NCAM2: variants seen among roughly 807,000 people sequenced by gnomAD.
The protein encoded by NCAM2 is N-CAM-2.
NCAM2 carries 30 observed loss-of-function variants against 98.1 expected under a neutral mutation model. That is an observed-to-expected ratio of 0.31 (90% CI 0.23 to 0.41). The LOEUF is 0.41. Ranked by LOEUF, NCAM2 falls within the 10% of genes least tolerant of loss-of-function variation. The probability of loss-of-function intolerance (pLI) is 1.00; values close to 1 mark genes in which losing one functional copy is unlikely to be tolerated. For missense variants in NCAM2, 867 were observed against 1,005.8 expected (o/e 0.86, Z 1.87); for synonymous variants, 368 against 342.4 (o/e 1.07, Z -0.83).
intron 1 of NCAM2, among the ~76,000 whole-genome samples, chr21:21,036,716 G>A (rs2064806235): frequency 6.6e-6 from 1 of 152,068 alleles, no homozygotes; most frequent in African/African-American, 2.4e-5. Flanking sequence ...GAGGTGGGTG[G>A]CATCATAGGT....
chr21:21,304,334 T>C (rs2073816780), intron 5 of NCAM2, among the ~76,000 whole-genome samples: 1 of 152,022 alleles, frequency 6.6e-6, no homozygotes, highest in Non-Finnish European at 1.5e-5. Flanking sequence ...TTGTATTTTT[T>C]TTTTGGCATG....
intron 1 of NCAM2, among the ~76,000 whole-genome samples, chr21:21,160,191 G>A (rs148379421): frequency 5.9e-4 from 90 of 152,064 alleles, no homozygotes; most frequent in African/African-American, 1.2e-3. Context: ...TATTTTCAGC[G>A]TGTGGACATC....
At position 21,335,401 on chromosome 21, in the gene NCAM2, T is replaced by C. The variant is rs921134072; in HGVS notation, c.738-104T>C. On this transcript the variant is annotated intron_variant, in intron 6 of 17. Transcript: ENST00000400546. ...GGAATATAGCCCTGTCTTTCAATGA[T>C]GATAGCCATATAGTCATCAATGCCT... is the stretch of plus-strand genomic sequence containing the variant. The C allele has an allele frequency of 7.8e-5, 61 of 781,170 alleles. No individual in the cohort carries two copies. The African/African-American group carries it at 9.8e-4, about 13-fold the overall frequency. The allele number at this position is 781,170 out of a possible 1,614,324, so 48.4% of individuals were successfully genotyped here.
At chr21:21,487,400 T>TC (rs35234435) in intron 15 of NCAM2, among the ~76,000 whole-genome samples, 5,486 of 152,192 alleles carry the variant, frequency 0.036, 347 homozygotes, top group African/African-American at 0.12. Flanking sequence ...GATTTTTTTT[T>TC]CATACAATGG....
intron 9 of NCAM2, among the ~76,000 whole-genome samples, chr21:21,385,882 A>C (rs952924731): frequency 6.6e-6 from 1 of 152,174 alleles, no homozygotes; most frequent in Admixed American, 6.5e-5. Context: ...ACATACTAAC[A>C]ATGCATGCTA....
intron 1 of NCAM2, among the ~76,000 whole-genome samples, chr21:21,143,060 G>A (rs1339239299): frequency 6.6e-6 from 1 of 152,106 alleles, no homozygotes; most frequent in South Asian, 2.1e-4. Flanking sequence ...AAGTTATACT[G>A]CTTGGTCGAA....
chr21:21,160,021 A>G (rs1034761874), intron 1 of NCAM2, among the ~76,000 whole-genome samples: 6 of 152,228 alleles, frequency 3.9e-5, no homozygotes, highest in East Asian at 3.9e-4. Flanking sequence ...GTTTATGCTC[A>G]TCGCGTATTC....
chr21:21,507,191 T>A (rs2146349677), intron 15 of NCAM2, among the ~76,000 whole-genome samples: 1 of 152,274 alleles, frequency 6.6e-6, no homozygotes, highest in African/African-American at 2.4e-5. Context: ...ATACTCAAAG[T>A]CGACCTGCTA....
intron 4 of NCAM2, among the ~76,000 whole-genome samples, chr21:21,290,851 C>G (rs373052138): frequency 6.6e-6 from 1 of 151,774 alleles, no homozygotes; most frequent in Admixed American, 6.6e-5. Flanking sequence ...ATTGGAGTGG[C>G]CTACTACCCT....
Position 21,539,701 on chromosome 21 carries a change from ATC to A in NCAM2, c.*1749_*1750del, listed in dbSNP as rs1602590047. ...ATAAGTTGCAGGGTTAAATGCGGGA[ATC>A]TCTCCTTGCGTTCCTGTCTGGCGTA... On this transcript the variant is annotated 3_prime_UTR_variant, in exon 18 of 18. Transcript: ENST00000400546. 1 of 152,258 alleles carries A rather than the reference ATC, an allele frequency of 6.6e-6. No homozygotes were observed. The highest frequency in any genetic ancestry group is 2.1e-4 in the South Asian group (1 of 4,828). The allele number at this position is 152,258 out of a possible 1,614,324, so 9.4% of individuals were successfully genotyped here.
chr21:21,300,714 A>C (rs984547059), intron 5 of NCAM2, among the ~76,000 whole-genome samples: 3 of 152,002 alleles, frequency 2.0e-5, no homozygotes, highest in African/African-American at 7.2e-5. Context: ...GATTTCTTTA[A>C]TTTTTAATTA....
intron 1 of NCAM2, among the ~76,000 whole-genome samples, chr21:21,026,386 C>T (rs951956419): frequency 5.9e-5 from 9 of 152,252 alleles, no homozygotes; most frequent in African/African-American, 1.4e-4. Flanking sequence ...AGGCCAGGCG[C>T]GGTGGCTCAC....
intron 1 of NCAM2, among the ~76,000 whole-genome samples, chr21:21,117,878 T>C (rs1423643359): frequency 6.6e-6 from 1 of 152,214 alleles, no homozygotes; most frequent in East Asian, 1.9e-4. Context: ...TGGCTTAGTA[T>C]TAGGGTATAC....
At chr21:21,097,422 A>T (rs1256759871) in intron 1 of NCAM2, among the ~76,000 whole-genome samples, 1 of 151,744 alleles carries the variant, frequency 6.6e-6, no homozygotes, top group Non-Finnish European at 1.5e-5. Flanking sequence ...TGCAAAATTG[A>T]GGACTGTTTT....
intron 1 of NCAM2, among the ~76,000 whole-genome samples, chr21:21,116,718 G>T (rs906741139): frequency 6.6e-6 from 1 of 152,090 alleles, no homozygotes; most frequent in Non-Finnish European, 1.5e-5. Flanking sequence ...AGCTGGGTGC[G>T]GTGGCAGGCA....
At chr21:21,460,329 A>G (rs747148494) in intron 12 of NCAM2, among the ~76,000 whole-genome samples, 2 of 151,950 alleles carry the variant, frequency 1.3e-5, no homozygotes, top group Non-Finnish European at 2.9e-5. Context: ...GTTCAAATCC[A>G]AACTCTGATG....
At chr21:21,483,421 T>C (rs1484683672) in intron 15 of NCAM2, among the ~76,000 whole-genome samples, 1 of 152,144 alleles carries the variant, frequency 6.6e-6, no homozygotes, top group Non-Finnish European at 1.5e-5. Flanking sequence ...TCAGTTACTT[T>C]GTATTTTCAT....
intron 16 of NCAM2, 76 bp downstream of exon 16, chr21:21,509,131 T>A: frequency 7.0e-7 from 1 of 1,428,814 alleles, no homozygotes; most frequent in Non-Finnish European, 9.8e-7. Context: ...CCTGAGGGCG[T>A]TGTAGGGTAA....
intron 5 of NCAM2, among the ~76,000 whole-genome samples, chr21:21,321,552 G>A (rs2166100): frequency 0.42 from 64,028 of 151,920 alleles, 14,788 homozygotes; most frequent in Non-Finnish European, 0.53. Context: ...AGTTTGAGGC[G>A]TTACATTTAA....
Sources: allele counts gnomAD v4.1 joint callset (sites outside exome capture counted in the v4.1 genomes callset), GRCh38; gene constraint gnomAD v4.1.1; transcripts MANE v1.5; gene names NCBI Gene and HGNC (gene_info 2026-07-23, HGNC 2026-07-21).